The following FCSK variants were observed in gnomAD, a reference collection of about 807,000 sequenced individuals.
FCSK encodes the protein fucose kinase.
FCSK carries 123 observed loss-of-function variants against 122.5 expected under a neutral mutation model. The ratio of observed to expected loss-of-function variants is 1.00; its 90% CI spans 0.87 to 1.17. The LOEUF (loss-of-function observed/expected upper bound fraction) is 1.17. FCSK is among the 50% of genes most tolerant of loss of function. The pLI is 0.00. For synonymous variants in FCSK, 620 were observed against 625.5 expected (o/e 0.99, Z 0.13); for missense variants, 1,366 against 1,450.4 (o/e 0.94, Z 0.95).
intron 8 of FCSK, among the ~76,000 whole-genome samples, chr16:70,468,253 C>G (rs1459550328): frequency 6.6e-6 from 1 of 152,184 alleles, no homozygotes; most frequent in Non-Finnish European, 1.5e-5. Flanking sequence ...GAAACCCTGT[C>G]TCTACTAAAT....
At chr16:70,468,144 G>A (rs979595147) in intron 8 of FCSK, among the ~76,000 whole-genome samples, 178 bp downstream of exon 8, 1 of 152,172 alleles carries the variant, frequency 6.6e-6, no homozygotes, top group Admixed American at 6.5e-5. Context: ...AGAACCAGGC[G>A]GGCACGGTGG....
rs748150107 is a variant in FCSK at position 70,479,674 on chromosome 16, C to G, written c.3249C>G (p.Phe1083Leu). The stretch of plus-strand genomic sequence containing the variant: ...CCGAGGCCTCAACCTGTTGCCCTTT[C>G]CCATGAAGCTGGCTTCTCTCTGCAA... Reference protein sequence around the residue: ...LGTEASTCCPFP With the variant: ...LGTEASTCCPLP The change falls in exon 24 of 24, where the codon TTC becomes TTG. Residue 1083 changes from phenylalanine to leucine, a missense_variant. Physicochemically the swap from Phe to Leu is conservative, Grantham distance 22. Transcript: ENST00000288078. 2.5e-6 allele frequency: 4 copies of G among 1,613,536 alleles called. No homozygotes were observed. The Admixed American group carries it at 5.0e-5, about 20-fold the overall frequency.
chr16:70,478,933 G>T (rs1597645138), intron 22 of FCSK: 9 of 689,680 alleles, frequency 1.3e-5, no homozygotes, highest in South Asian at 1.2e-4. Flanking sequence ...AGCTGGGCAG[G>T]GTCCCCAGTG....
chr16:70,467,445 C>T lies in FCSK; in HGVS notation c.556C>T (p.His186Tyr), dbSNP rs532510018. The change falls in exon 7 of 24, where the codon CAT becomes TAT. Residue 186 changes from histidine to tyrosine, a missense_variant. Physicochemically the swap from His to Tyr is moderately conservative, Grantham distance 83. Transcript: ENST00000288078. ...LPGSPAYAQN[H>Y]GVYLTDPQGL... ...AGGGAGCCCGGCCTACGCTCAGAATCATGGCGTCTACCTAACTGACCCCCA... is the reference window on the plus strand; with the variant it reads ...AGGGAGCCCGGCCTACGCTCAGAATTATGGCGTCTACCTAACTGACCCCCA... 58 of 1,608,090 alleles carry T rather than the reference C, an allele frequency of 3.6e-5. No individual in the cohort carries two copies. The South Asian group carries it at 5.8e-4, about 16-fold the overall frequency.
chr16:70,467,094 G>A, intron 6 of FCSK, 140 bp downstream of exon 6: 1 of 814,768 alleles, frequency 1.2e-6, no homozygotes, highest in East Asian at 2.6e-5. Context: ...GGAGAATGAA[G>A]CCTGGTGGAG....
chr16:70,464,793 G>A (rs924676523), intron 3 of FCSK, among the ~76,000 whole-genome samples: 11 of 151,862 alleles, frequency 7.2e-5, no homozygotes, highest in South Asian at 2.1e-4. Flanking sequence ...TGGGAGGCTC[G>A]CTTGAGCCCA....
chr16:70,479,469 G>T, intron 23 of FCSK, 66 bp downstream of exon 23: 1 of 1,507,234 alleles, frequency 6.6e-7, no homozygotes. Context: ...TGGCCCACCA[G>T]TTAACCAGGG....
At chr16:70,479,487 CTG>C in intron 23 of FCSK, 84 bp downstream of exon 23, 5 of 1,485,930 alleles carry the variant, frequency 3.4e-6, no homozygotes, top group Non-Finnish European at 4.6e-6. Context: ...GGGGCTATAT[CTG>C]TAAGTCCCCC....
chr16:70,459,694 T>G (rs1284579115), intron 1 of FCSK, among the ~76,000 whole-genome samples: 6 of 146,884 alleles, frequency 4.1e-5, no homozygotes, highest in South Asian at 2.2e-4. Flanking sequence ...CAGGTCTCTG[T>G]ATGTTGCCCA....
rs764647820 is a variant in FCSK at position 70,469,156 on chromosome 16, C to T, written c.788C>T (p.Ser263Phe). 7 of 1,614,158 alleles carry T rather than the reference C, an allele frequency of 4.3e-6. No homozygotes were observed. The highest frequency in any genetic ancestry group is 5.9e-6 in the Non-Finnish European group (7 of 1,180,042). ...TGCTTCTTCCCCTTCCCCTAGCTGTCTCTGTTTTTTGACATTCTCCACTGC... is the reference window on the plus strand; with the variant it reads ...TGCTTCTTCCCCTTCCCCTAGCTGTTTCTGTTTTTTGACATTCTCCACTGC... ...LDSGARPVQL[S>F]LFFDILHCMA... Residue 263 changes from serine to phenylalanine, a missense_variant, in exon 10 of 24, where the codon TCT (serine) becomes TTT (phenylalanine). By Grantham distance (155) the Ser-to-Phe change is radical. Transcript: ENST00000288078.
At chr16:70,459,115 C>G (rs933323100) in intron 1 of FCSK, among the ~76,000 whole-genome samples, 1 of 151,116 alleles carries the variant, frequency 6.6e-6, no homozygotes, top group African/African-American at 2.4e-5. Context: ...CCCAGCTATA[C>G]AGGAGGCTGA....
Position 70,475,701 on chromosome 16 carries a change from G to C in FCSK, c.2575G>C (p.Gly859Arg), listed in dbSNP as rs1436114191. The change falls in exon 20 of 24, where the codon GGC (glycine) becomes CGC (arginine). Residue 859 changes from glycine to arginine, a missense_variant. Gly to Arg is a moderately radical substitution (Grantham distance 125). Transcript: ENST00000288078. ...CCTGGCTGCCTTGCAGCGAGCCGCA[G>C]GCCGGGTGGTGGGCACGGAAGCCCT... ...TALAALQRAA[G>R]RVVGTEALIH... 4.4e-6 allele frequency: 7 copies of C among 1,602,896 alleles called. 1 individual carries two copies. The highest frequency in any genetic ancestry group is 6.0e-6 in the Non-Finnish European group (7 of 1,175,150).
chr16:70,467,611 T>C (rs1242920519), intron 7 of FCSK, 140 bp downstream of exon 7: 1 of 693,790 alleles, frequency 1.4e-6, no homozygotes. Flanking sequence ...TCCGTGGCAG[T>C]GGCACCAGTG....
Position 70,473,344 on chromosome 16 carries a change from C to G in FCSK, c.1768C>G (p.Leu590Val). ...EGCPGPLLAT[L>V]DQVAAGAGDP... ...CTGCCCCGGGCCCCTGCTGGCCACG[C>G]TGGACCAGGGTGAGTGTGCAGGCTG... Residue 590 changes from leucine (L) to valine (V), a missense_variant, in exon 15 of 24, where the codon CTG becomes GTG. Leu to Val is a conservative substitution (Grantham distance 32). Transcript: ENST00000288078. This position sits in a 1 kb window ranked among gnomAD's most constrained non-coding sequence, Gnocchi z 4.9. The G allele has an allele frequency of 6.7e-7, 1 of 1,503,202 alleles. No individual in the cohort carries two copies. The highest frequency in any genetic ancestry group is 8.9e-7 in the Non-Finnish European group (1 of 1,121,966). The allele number at this position is 1,503,202 out of a possible 1,614,324, so 93.1% of individuals were successfully genotyped here.
intron 10 of FCSK, among the ~76,000 whole-genome samples, chr16:70,469,606 T>C (rs1206406519): frequency 2.0e-5 from 3 of 152,138 alleles, no homozygotes; most frequent in Non-Finnish European, 4.4e-5. Flanking sequence ...CCGGCTAGAG[T>C]GAGGTGGTGC....
intron 1 of FCSK, among the ~76,000 whole-genome samples, chr16:70,461,349 G>A (rs1277817249): frequency 6.6e-6 from 1 of 152,052 alleles, no homozygotes; most frequent in Non-Finnish European, 1.5e-5. Context: ...AGCAGTGGGA[G>A]CCCTGCCAGA....
At position 70,463,133 on chromosome 16, in the gene FCSK, A is replaced by C. The variant is rs1262883525; in HGVS notation, c.-22-36A>C. On this transcript the variant is annotated intron_variant, in intron 1 of 23. Coordinates refer to ENST00000288078, the MANE Select transcript of FCSK (RefSeq NM_145059.3). ...TAATTACTTTTAGTTATGATGGTTT[A>C]AAAAATAGTCACATCTACCCATATT... 4.1e-6 allele frequency: 5 copies of C among 1,204,918 alleles called. No individual in the cohort carries two copies. In the East Asian group the frequency reaches 1.2e-4, roughly 28 times the overall value. 74.6% of individuals were successfully genotyped at this position (1,204,918 alleles called of 1,614,324 possible).
intron 18 of FCSK, 45 bp from the exon 19 acceptor site, chr16:70,475,305 T>C: frequency 1.2e-6 from 2 of 1,601,140 alleles, no homozygotes; most frequent in Admixed American, 1.7e-5. Flanking sequence ...TGCCTGCGTC[T>C]GCCCATCGAG....
chr16:70,463,645 G>A lies in FCSK; in HGVS notation c.105G>A (p.Arg35=). 6.2e-7 allele frequency: 1 copy of A among 1,613,572 alleles called. No individual in the cohort carries two copies. Among genetic ancestry groups the A allele is most frequent in the Non-Finnish European group, 8.5e-7 (1 of 1,180,032 alleles). Residue 35 remains arginine (R), a synonymous_variant, in exon 3 of 24, where the codon CGG becomes CGA. Coordinates refer to ENST00000288078, the MANE Select transcript of FCSK (RefSeq NM_145059.3). ...TAGAACTGGAAGTGCGGCAGAAGCGGGAGCAGATCCCTGCTGGGACGCTGT... is the reference window on the plus strand; with the variant it reads ...TAGAACTGGAAGTGCGGCAGAAGCGAGAGCAGATCCCTGCTGGGACGCTGT... ...FQRELEVRQK[R]EQIPAGTLLL... is the part of the protein sequence containing the mutation.
Sources: allele counts gnomAD v4.1 joint callset (sites outside exome capture counted in the v4.1 genomes callset), GRCh38; gene constraint gnomAD v4.1.1; non-coding constraint Gnocchi (gnomAD v3.1); transcripts MANE v1.5; gene names NCBI Gene and HGNC (gene_info 2026-07-23, HGNC 2026-07-21).